The following PPM1E variants were observed in gnomAD, a reference collection of about 807,000 sequenced individuals.
PPM1E encodes the protein protein phosphatase 1E.
In PPM1E, 20 loss-of-function variants were observed where a neutral mutation model predicts 65.9. The observed-to-expected ratio is 0.30, with a 90% confidence interval of 0.21 to 0.44. The LOEUF (loss-of-function observed/expected upper bound fraction) is 0.44. PPM1E is among the 20% of genes least tolerant of loss of function. The pLI, the probability that PPM1E is intolerant of heterozygous loss-of-function variation, is 1.00. For missense variants in PPM1E, 713 were observed against 953.1 expected (o/e 0.75, Z 3.32); for synonymous variants, 352 against 374.9 (o/e 0.94, Z 0.70).
In PPM1E at chr17:58,756,327, G is replaced by A; in HGVS notation, c.330G>A (p.Gly110=). 4 of 1,429,416 alleles carry A rather than the reference G, an allele frequency of 2.8e-6. No homozygotes were observed. In the South Asian group the frequency reaches 4.6e-5, roughly 17 times the overall value. The allele number at this position is 1,429,416 out of a possible 1,614,324, so 88.5% of individuals were successfully genotyped here. Residue 110 remains glycine, a synonymous_variant, in exon 1 of 7, where the codon GGG becomes GGA. Transcript: ENST00000308249. ...CGGCGACGGCGGCGGCAGCCCCGGG[G>A]CACTCGGCCGTGCCGCCGCCGCCGC... ...EGAATAAAAP[G]HSAVPPPPPQ...
intron 1 of PPM1E, among the ~76,000 whole-genome samples, chr17:58,804,651 A>G (rs544829554): frequency 1.4e-3 from 213 of 152,332 alleles, no homozygotes; most frequent in Non-Finnish European, 9.4e-4. Flanking sequence ...TTGCTCAGGT[A>G]TAATAGTTAT....
At chr17:58,801,694 A>G (rs1488091225) in intron 1 of PPM1E, among the ~76,000 whole-genome samples, 6 of 148,826 alleles carry the variant, frequency 4.0e-5, no homozygotes, top group Non-Finnish European at 8.9e-5. Flanking sequence ...GTCTGCCTCA[A>G]CCTCCCAAAG....
At chr17:58,780,096 A>G (rs1414569177) in intron 1 of PPM1E, among the ~76,000 whole-genome samples, 1 of 152,238 alleles carries the variant, frequency 6.6e-6, no homozygotes, top group African/African-American at 2.4e-5. Flanking sequence ...TTAGTAGAAT[A>G]GATTTTCCTG....
chr17:58,831,140 A>C (rs886772368), intron 1 of PPM1E, among the ~76,000 whole-genome samples: 7 of 151,746 alleles, frequency 4.6e-5, no homozygotes, highest in Non-Finnish European at 1.0e-4. Flanking sequence ...CCTCCCAAGT[A>C]GCTGGGATTA....
chr17:58,767,195 G>A (rs924411015), intron 1 of PPM1E, among the ~76,000 whole-genome samples: 7 of 152,058 alleles, frequency 4.6e-5, no homozygotes, highest in Non-Finnish European at 8.8e-5. Flanking sequence ...ACTATATTCA[G>A]TGAGACCTCG....
rs1413982088 is a variant in PPM1E, at chr17:58,891,416, G to A, written c.465-64233G>A. On this transcript the variant is annotated intron_variant, in intron 1 of 6. Coordinates refer to ENST00000308249, the MANE Select transcript of PPM1E (RefSeq NM_014906.5). ...CGGCTCACTGCAACTTCCACCTCCC[G>A]GGTTCAAGCAGTTCTCCTGCCTCAG... is the stretch of plus-strand genomic sequence containing the variant. Among the ~76,000 whole-genome samples the A allele has an allele frequency of 5.3e-5, 8 of 151,978 alleles. No individual in the cohort carries two copies. The South Asian group carries it at 6.2e-4, about 12-fold the overall frequency.
chr17:58,922,686 CTTTT>C (rs35870575), intron 1 of PPM1E, among the ~76,000 whole-genome samples: 2 of 133,802 alleles, frequency 1.5e-5, no homozygotes, highest in Admixed American at 7.5e-5. Flanking sequence ...TCTTGAAGTA[CTTTT>C]TTTTTTTTTT....
Position 58,982,713 on chromosome 17 carries a change from T to C in PPM1E, c.*1682T>C. On this transcript the variant is annotated 3_prime_UTR_variant, in exon 7 of 7. Coordinates refer to ENST00000308249, the MANE Select transcript of PPM1E (RefSeq NM_014906.5). Reference sequence around the variant, plus strand: ...GATGTAAGTAGAGACTTTCAGTATTTGTTTTCTCTTGATTTTGAAGTCATT... The same window carrying C: ...GATGTAAGTAGAGACTTTCAGTATTCGTTTTCTCTTGATTTTGAAGTCATT... 1 of 516,878 alleles carries C rather than the reference T, an allele frequency of 1.9e-6. No individual in the cohort carries two copies. The highest frequency in any genetic ancestry group is 3.4e-5 in the South Asian group (1 of 29,604). The allele number at this position is 516,878 out of a possible 1,614,324, so 32.0% of individuals were successfully genotyped here. A position where few individuals can be genotyped will look rare whatever the true frequency, so the allele number is the denominator to read the frequency against.
At chr17:58,928,796 G>T (rs759783194) in intron 1 of PPM1E, among the ~76,000 whole-genome samples, 1 of 150,778 alleles carries the variant, frequency 6.6e-6, no homozygotes, top group Non-Finnish European at 1.5e-5. Flanking sequence ...TTCGCCTCCC[G>T]GGTTCAAGTG....
In PPM1E at chr17:58,883,019, A is replaced by G. The variant is rs541208065; in HGVS notation, c.465-72630A>G. Among the ~76,000 whole-genome samples, 3 of 124,638 alleles carry G rather than the reference A, an allele frequency of 2.4e-5. No homozygotes were observed. In the East Asian group the frequency reaches 7.1e-4, roughly 29 times the overall value. 81.8% of individuals were successfully genotyped at this position (124,638 alleles called of 152,430 possible). A position where few individuals can be genotyped will look rare whatever the true frequency, so the allele number is the denominator to read the frequency against. On this transcript the variant is annotated intron_variant, in intron 1 of 6. Coordinates refer to ENST00000308249, the MANE Select transcript of PPM1E (RefSeq NM_014906.5). The stretch of plus-strand genomic sequence containing the variant: ...ACCCAGGCTGGAGTGCAGTGGTGTG[A>G]TCTCGGCTCACTGCAACCTCCACCT...
intron 1 of PPM1E, among the ~76,000 whole-genome samples, chr17:58,934,959 A>ATGGCT (rs2051958260): frequency 6.6e-6 from 1 of 151,264 alleles, no homozygotes; most frequent in East Asian, 1.9e-4. Context: ...AATTTTAAAA[A>ATGGCT]TGGCTAGACT....
intron 1 of PPM1E, among the ~76,000 whole-genome samples, chr17:58,850,744 A>G (rs1400542525): frequency 3.3e-5 from 5 of 152,076 alleles, no homozygotes; most frequent in Non-Finnish European, 7.4e-5. Context: ...TGAATCTGAC[A>G]ATTATGTGTC....
Position 58,984,279 on chromosome 17 carries a change from A to T in PPM1E, c.*3248A>T, listed in dbSNP as rs2031586167. On this transcript the variant is annotated 3_prime_UTR_variant, in exon 7 of 7. Coordinates refer to ENST00000308249, the MANE Select transcript of PPM1E (RefSeq NM_014906.5). ...GTGTCAATACTGCATTTTCATGACA[A>T]CCACACTCCACTGTTGAAACACTGT... 1 of 152,612 alleles carries T rather than the reference A, an allele frequency of 6.6e-6. No homozygotes were observed. Among genetic ancestry groups the T allele is most frequent in the Non-Finnish European group, 1.5e-5 (1 of 68,042 alleles). 9.5% of individuals were successfully genotyped at this position (152,612 alleles called of 1,614,324 possible). A position where few individuals can be genotyped will look rare whatever the true frequency, so the allele number is the denominator to read the frequency against.
intron 1 of PPM1E, among the ~76,000 whole-genome samples, chr17:58,809,572 C>G (rs1598584538): frequency 6.6e-6 from 1 of 151,882 alleles, no homozygotes; most frequent in East Asian, 1.9e-4. Flanking sequence ...TTTTTTTGCC[C>G]AGGGTCTTAC....
chr17:58,791,458 A>G (rs914906510), intron 1 of PPM1E, among the ~76,000 whole-genome samples: 2 of 152,232 alleles, frequency 1.3e-5, no homozygotes, highest in African/African-American at 2.4e-5. Context: ...TGTCCCCAGC[A>G]CGTGGCATAT....
At chr17:58,791,101 A>T (rs1162479690) in intron 1 of PPM1E, among the ~76,000 whole-genome samples, 1 of 152,040 alleles carries the variant, frequency 6.6e-6, no homozygotes, top group Non-Finnish European at 1.5e-5. Context: ...CATGTTGGCC[A>T]GGCTGGTCTT....
intron 1 of PPM1E, among the ~76,000 whole-genome samples, chr17:58,931,021 C>A (rs1241536527): frequency 6.8e-6 from 1 of 146,258 alleles, no homozygotes; most frequent in Non-Finnish European, 1.5e-5. Flanking sequence ...CAGGACCAGC[C>A]TGGCCAACAT....
intron 1 of PPM1E, among the ~76,000 whole-genome samples, chr17:58,937,174 G>C (rs2051993204): frequency 6.6e-6 from 1 of 150,686 alleles, no homozygotes; most frequent in South Asian, 2.1e-4. Context: ...TATTTTAAAA[G>C]AGGTAGGAAA....
intron 1 of PPM1E, among the ~76,000 whole-genome samples, chr17:58,783,322 C>A (rs1220068190): frequency 6.6e-6 from 1 of 152,030 alleles, no homozygotes; most frequent in Non-Finnish European, 1.5e-5. Flanking sequence ...TTGGAAAAAA[C>A]CATTTGAAAG....
Sources: allele counts gnomAD v4.1 joint callset (sites outside exome capture counted in the v4.1 genomes callset), GRCh38; gene constraint gnomAD v4.1.1; transcripts MANE v1.5; gene names NCBI Gene and HGNC (gene_info 2026-07-23, HGNC 2026-07-21).